Variants in KIRREL3 observed in about 807,000 individuals in gnomAD.
The protein encoded by KIRREL3 is kin of IRRE-like protein 3.
A neutral mutation model predicts 89.7 loss-of-function variants in KIRREL3; 36 were observed. The ratio of observed to expected loss-of-function variants is 0.40; its 90% CI spans 0.31 to 0.53. The LOEUF (loss-of-function observed/expected upper bound fraction) is 0.53. Ranked by LOEUF, KIRREL3 falls within the 20% of genes least tolerant of loss-of-function variation. KIRREL3 has a pLI of 0.49. For synonymous variants in KIRREL3, 445 were observed against 441.4 expected, an observed-to-expected ratio of 1.01 and a Z score of -0.10; for missense variants, 864 against 1,056.6, an observed-to-expected ratio of 0.82 and a Z score of 2.53.
At position 126,577,413 on chromosome 11, in the gene KIRREL3, A is replaced by G. The variant is rs770666731; in HGVS notation, c.56-14501T>C. 2.6e-5 allele frequency among the ~76,000 whole-genome samples: 4 copies of G among 151,970 alleles called. No homozygotes were observed. The East Asian group carries it at 7.7e-4, about 29-fold the overall frequency. On this transcript the variant is annotated intron_variant, in intron 1 of 16. Transcript: ENST00000525144. The stretch of plus-strand genomic sequence containing the variant: ...TGGACAAATTTGGGTCTGATAACTC[A>G]GAGTGGGGAGGGGGTCCTAGCTGGC...
chr11:126,535,276 C>T lies in KIRREL3; in HGVS notation c.134-8589G>A, dbSNP rs1937757528. Among the ~76,000 whole-genome samples, 1 of 152,206 alleles carries T rather than the reference C, an allele frequency of 6.6e-6. No homozygotes were observed. Among genetic ancestry groups the T allele is most frequent in the Admixed American group, 6.5e-5 (1 of 15,280 alleles). On this transcript the variant is annotated intron_variant, in intron 2 of 16. Coordinates refer to ENST00000525144, the MANE Select transcript of KIRREL3 (RefSeq NM_032531.4). This position sits in a 1 kb window ranked among gnomAD's most constrained non-coding sequence, Gnocchi z 4.5. ...CCTGTCAGCCCACCCGGCTTCCAAC[C>T]TGGATGCAGCGCCCTCATCTTAATC...
intron 1 of KIRREL3, among the ~76,000 whole-genome samples, chr11:126,743,420 C>T (rs2134225328): frequency 1.3e-5 from 2 of 152,308 alleles, no homozygotes; most frequent in South Asian, 4.2e-4. Context: ...TGATACTCAA[C>T]AATAATTTCA....
chr11:126,559,418 G>A (rs1003920811), intron 2 of KIRREL3, among the ~76,000 whole-genome samples: 2 of 152,244 alleles, frequency 1.3e-5, no homozygotes, highest in South Asian at 2.1e-4. Context: ...GGAAGGAACA[G>A]GAGTCTTTGC....
chr11:126,964,634 C>A (rs1263170574), intron 1 of KIRREL3, among the ~76,000 whole-genome samples: 1 of 152,266 alleles, frequency 6.6e-6, no homozygotes, highest in East Asian at 1.9e-4. Flanking sequence ...ACAGCTTGTG[C>A]TACAAACTCC....
rs114682666 is a variant in KIRREL3, at chr11:126,538,777, T to C, written c.134-12090A>G. ...CCTCAGCAATCTCCAAGTCCCCAGG[T>C]TGGGTGTGGGGTGTGCAGGAGGGGC... On this transcript the variant is annotated intron_variant, in intron 2 of 16. Coordinates refer to ENST00000525144, the MANE Select transcript of KIRREL3 (RefSeq NM_032531.4). Among the ~76,000 whole-genome samples the C allele has an allele frequency of 4.3e-3, 660 of 152,038 alleles. 3 individuals are homozygous for C. The highest frequency in any genetic ancestry group is 0.015 in the African/African-American group (630 of 41,450).
chr11:126,780,944 A>T lies in KIRREL3; in HGVS notation c.56-218032T>A, dbSNP rs888137937. ...TTTGTTATGAGTTTCAATCTATCAT[A>T]GATGCTAAATAAAAGTTTGTATTTT... On this transcript the variant is annotated intron_variant, in intron 1 of 16. Coordinates refer to ENST00000525144, the MANE Select transcript of KIRREL3 (RefSeq NM_032531.4). This position sits in a 1 kb window ranked among gnomAD's most constrained non-coding sequence, Gnocchi z 5.3. Among the ~76,000 whole-genome samples the T allele has an allele frequency of 6.6e-6, 1 of 152,244 alleles. No homozygotes were observed. The highest frequency in any genetic ancestry group is 2.1e-4 in the South Asian group (1 of 4,830).
rs574750685 is a variant in KIRREL3, at chr11:126,684,068, C to T, written c.56-121156G>A. On this transcript the variant is annotated intron_variant, in intron 1 of 16. Transcript: ENST00000525144. The surrounding 1 kb of genome is among the most constrained non-coding windows in gnomAD (Gnocchi z 4.2). Reference sequence around the variant, plus strand: ...TGGCACTGTCTGATCTGCTGACAGCCGCGACCCTGCCACCTGCTCAGTGGG... The same window carrying T: ...TGGCACTGTCTGATCTGCTGACAGCTGCGACCCTGCCACCTGCTCAGTGGG... 1.5e-4 allele frequency among the ~76,000 whole-genome samples: 23 copies of T among 152,340 alleles called. No individual in the cohort carries two copies. The highest frequency in any genetic ancestry group is 3.9e-4 in the Admixed American group (6 of 15,310).
Position 126,969,155 on chromosome 11 carries a change from G to A in KIRREL3, c.55+31300C>T, listed in dbSNP as rs1949361356. Among the ~76,000 whole-genome samples the A allele has an allele frequency of 6.6e-6, 1 of 152,120 alleles. No homozygotes were observed. The highest frequency in any genetic ancestry group is 6.5e-5 in the Admixed American group (1 of 15,268). ...GAGGGCGCTCAGGGGCCAATCAAACGACTTCTAAACCGCGAAAACAGGCCT... is the reference window on the plus strand; with the variant it reads ...GAGGGCGCTCAGGGGCCAATCAAACAACTTCTAAACCGCGAAAACAGGCCT... On this transcript the variant is annotated intron_variant, in intron 1 of 16. Transcript: ENST00000525144. The surrounding 1 kb of genome is among the most constrained non-coding windows in gnomAD (Gnocchi z 4.9).
rs1941410081 is a variant in KIRREL3, at chr11:126,579,156, A to G, written c.56-16244T>C. 6.6e-6 allele frequency among the ~76,000 whole-genome samples: 1 copy of G among 152,056 alleles called. No individual in the cohort carries two copies. The highest frequency in any genetic ancestry group is 1.5e-5 in the Non-Finnish European group (1 of 68,024). On this transcript the variant is annotated intron_variant, in intron 1 of 16. Coordinates refer to ENST00000525144, the MANE Select transcript of KIRREL3 (RefSeq NM_032531.4). The surrounding 1 kb of genome is among the most constrained non-coding windows in gnomAD (Gnocchi z 5.3). ...CCTCCCTTCCTGCCAGCCATTGATG[A>G]TCCTGGAGGATGAACGGGTCGTCTA...
At chr11:126,770,810 A>T (rs1272239387) in intron 1 of KIRREL3, among the ~76,000 whole-genome samples, 4 of 152,180 alleles carry the variant, frequency 2.6e-5, no homozygotes, top group East Asian at 3.9e-4. Flanking sequence ...TGAAGATGGA[A>T]GGGGCAGAAA....
In KIRREL3 at chr11:126,569,590, A is replaced by G. The variant is rs1940774401; in HGVS notation, c.56-6678T>C. ...AGTTGGCTATACAAGACATATACTT[A>G]AGAAAAGGTAACTAAAAGTCAGAGA... On this transcript the variant is annotated intron_variant, in intron 1 of 16. Transcript: ENST00000525144. The surrounding 1 kb of genome is among the most constrained non-coding windows in gnomAD (Gnocchi z 6.5). Among the ~76,000 whole-genome samples, 1 of 152,228 alleles carries G rather than the reference A, an allele frequency of 6.6e-6. No individual in the cohort carries two copies. Among genetic ancestry groups the G allele is most frequent in the African/African-American group, 2.4e-5 (1 of 41,454 alleles).
intron 1 of KIRREL3, among the ~76,000 whole-genome samples, chr11:126,901,347 C>T (rs1365335408): frequency 6.6e-6 from 1 of 152,086 alleles, no homozygotes. Flanking sequence ...TGACAAATGA[C>T]TCATCTTCAC....
rs661897 is a variant in KIRREL3 at position 126,615,192 on chromosome 11, T to C, written c.56-52280A>G. ...ATATTCCCCGTGCATACCTCTGCCT[T>C]AGCACCTGCTTTTATGACAGTCTTC... On this transcript the variant is annotated intron_variant, in intron 1 of 16. Transcript: ENST00000525144. This position sits in a 1 kb window ranked among gnomAD's most constrained non-coding sequence, Gnocchi z 5.4. 0.47 allele frequency among the ~76,000 whole-genome samples: 71,185 copies of C among 151,944 alleles called. 18,706 individuals carry two copies. The highest frequency in any genetic ancestry group is 0.59 in the Non-Finnish European group (40,308 of 67,938).
At position 126,742,266 on chromosome 11, in the gene KIRREL3, CAG is replaced by C. The variant is rs921535531; in HGVS notation, c.56-179356_56-179355del. Reference sequence around the variant, plus strand: ...TGGATGGCATTTCTTGAGGATTTCCCAGAGAGTCTTGCTGTCTGTCTGTATGC... The same window carrying C: ...TGGATGGCATTTCTTGAGGATTTCCCAGAGTCTTGCTGTCTGTCTGTATGC... On this transcript the variant is annotated intron_variant, in intron 1 of 16. Transcript: ENST00000525144. This position sits in a 1 kb window ranked among gnomAD's most constrained non-coding sequence, Gnocchi z 5.3. 9.2e-5 allele frequency among the ~76,000 whole-genome samples: 14 copies of C among 152,130 alleles called. No homozygotes were observed. The highest frequency in any genetic ancestry group is 6.5e-4 in the Admixed American group (10 of 15,284).
intron 1 of KIRREL3, among the ~76,000 whole-genome samples, chr11:126,858,457 G>A (rs1944606135): frequency 1.3e-5 from 2 of 152,144 alleles, no homozygotes; most frequent in African/African-American, 4.8e-5. Context: ...TCTGTCGTCA[G>A]CAAAAGAGAA....
chr11:126,435,824 C>T (rs1258211390), intron 12 of KIRREL3, among the ~76,000 whole-genome samples: 1 of 152,114 alleles, frequency 6.6e-6, no homozygotes, highest in African/African-American at 2.4e-5. Context: ...GCCTGACAGC[C>T]TGCGAATGGA....
chr11:126,923,207 C>T (rs1488529518), intron 1 of KIRREL3, among the ~76,000 whole-genome samples: 1 of 13,470 alleles, frequency 7.4e-5, no homozygotes, highest in Non-Finnish European at 1.3e-4. Flanking sequence ...TCTTCTTCTT[C>T]TTCTTCTTCT....
intron 1 of KIRREL3, among the ~76,000 whole-genome samples, chr11:126,984,940 T>C (rs1278745645): frequency 1.3e-5 from 2 of 152,178 alleles, no homozygotes; most frequent in African/African-American, 4.8e-5. Flanking sequence ...CCACTACCTG[T>C]ATGACTTTAG....
chr11:126,921,391 GTATCTATC>G (rs35917135), intron 1 of KIRREL3, among the ~76,000 whole-genome samples: 20,174 of 143,894 alleles, frequency 0.14, 1,434 homozygotes, highest in Admixed American at 0.16. Flanking sequence ...ATCCTGTCTT[GTATCTATC>G]TATCTATCTA....
Sources: allele counts gnomAD v4.1 joint callset (sites outside exome capture counted in the v4.1 genomes callset), GRCh38; gene constraint gnomAD v4.1.1; non-coding constraint Gnocchi (gnomAD v3.1); transcripts MANE v1.5; gene names NCBI Gene and HGNC (gene_info 2026-07-23, HGNC 2026-07-21).